MED15: variants seen among roughly 807,000 people sequenced by gnomAD.
MED15 encodes mediator complex subunit 15, also known as mediator of RNA polymerase II transcription subunit 15.
In MED15, 41 loss-of-function variants were observed where a neutral mutation model predicts 118.7. The observed-to-expected ratio is 0.35, with a 90% CI of 0.27 to 0.45. The LOEUF (loss-of-function observed/expected upper bound fraction) is 0.45, where lower values mean the gene tolerates loss of function less well. Ranked by LOEUF, MED15 falls within the 20% of genes least tolerant of loss-of-function variation. MED15 has a pLI of 1.00. For synonymous variants in MED15, 436 were observed against 413.9 expected, an observed-to-expected ratio of 1.05 and a Z score of -0.65; for missense variants, 740 against 1,025.5, an observed-to-expected ratio of 0.72 and a Z score of 3.80.
At chr22:20,544,015 A>G (rs769047983) in intron 2 of MED15, among the ~76,000 whole-genome samples, 1 of 152,196 alleles carries the variant, frequency 6.6e-6, no homozygotes, top group Admixed American at 6.5e-5. Flanking sequence ...TTCCAGTAAC[A>G]TGTTCCTTGT....
At chr22:20,521,429 C>T (rs2054453136) in intron 1 of MED15, among the ~76,000 whole-genome samples, 1 of 149,650 alleles carries the variant, frequency 6.7e-6, no homozygotes, top group African/African-American at 2.5e-5. Flanking sequence ...CTGAGTCTCA[C>T]TCTGTCGCCT....
intron 8 of MED15, among the ~76,000 whole-genome samples, chr22:20,569,996 C>T (rs1004944453): frequency 3.9e-5 from 6 of 152,152 alleles, no homozygotes; most frequent in Admixed American, 6.5e-5. Flanking sequence ...TTTGGACCAT[C>T]GATCCTCTGT....
At chr22:20,580,149 CA>C (rs1378903733) in intron 9 of MED15, among the ~76,000 whole-genome samples, 1 of 152,134 alleles carries the variant, frequency 6.6e-6, no homozygotes, top group Non-Finnish European at 1.5e-5. Context: ...CTCTGCTGGC[CA>C]CCAGCTGCCC....
At chr22:20,523,798 C>T (rs1024137596) in intron 1 of MED15, 1 of 985,306 alleles carries the variant, frequency 1.0e-6, no homozygotes, top group Admixed American at 6.2e-5. Context: ...CTCGTGTATT[C>T]TTCTGAACTA....
At chr22:20,514,719 C>G (rs2054191878) in intron 1 of MED15, among the ~76,000 whole-genome samples, 1 of 152,188 alleles carries the variant, frequency 6.6e-6, no homozygotes, top group African/African-American at 2.4e-5. Flanking sequence ...AAACATACAA[C>G]TGAACAGCAA....
chr22:20,507,994 G>C (rs1243773947), intron 1 of MED15: 13 of 1,427,468 alleles, frequency 9.1e-6, no homozygotes, highest in Non-Finnish European at 1.2e-5. Context: ...ATCGTCTTGA[G>C]CTTTCTCATT....
chr22:20,562,645 G>A (rs1317537474), intron 5 of MED15, among the ~76,000 whole-genome samples: 1 of 152,180 alleles, frequency 6.6e-6, no homozygotes, highest in African/African-American at 2.4e-5. Context: ...GCCTCCCGAA[G>A]TGCTGGGATT....
chr22:20,545,258 C>T (rs2146486675), intron 2 of MED15, among the ~76,000 whole-genome samples: 1 of 152,218 alleles, frequency 6.6e-6, no homozygotes, highest in East Asian at 1.9e-4. Flanking sequence ...GCCAGTGGAT[C>T]ACTTGAGGCC....
chr22:20,585,310 C>T lies in MED15; in HGVS notation c.2131+43C>T, dbSNP rs2057102247. The stretch of plus-strand genomic sequence containing the variant: ...CGGGACTGGTGTGGGAAAGCAGGCC[C>T]TGACCGCAGCCCCAGGACTCTGCCA... On this transcript the variant is annotated intron_variant, in intron 16 of 17. Coordinates refer to ENST00000263205, the MANE Select transcript of MED15 (RefSeq NM_001003891.3). The T allele has an allele frequency of 3.8e-6, 6 of 1,599,342 alleles. No individual in the cohort carries two copies. The East Asian group carries it at 1.3e-4, about 36-fold the overall frequency.
chr22:20,523,843 G>T (rs770827149), intron 1 of MED15: 3 of 985,202 alleles, frequency 3.0e-6, no homozygotes, highest in Admixed American at 6.2e-5. Flanking sequence ...AAGGGCAGCA[G>T]CCTTTTCTGC....
intron 1 of MED15, among the ~76,000 whole-genome samples, chr22:20,512,523 C>T (rs949907716): frequency 6.6e-6 from 1 of 151,200 alleles, no homozygotes; most frequent in African/African-American, 2.4e-5. Context: ...AGCTTGGTAC[C>T]TGGTATACAA....
At position 20,587,027 on chromosome 22, in the gene MED15, G is replaced by T; in HGVS notation, c.*323G>T. The stretch of plus-strand genomic sequence containing the variant: ...GTCCAGGTCCATCTCAGCAGCGTGA[G>T]GGTGCACTCAGGGTGTTGTTAGAGC... On this transcript the variant is annotated 3_prime_UTR_variant, in exon 18 of 18. Coordinates refer to ENST00000263205, the MANE Select transcript of MED15 (RefSeq NM_001003891.3). 1 of 417,532 alleles carries T rather than the reference G, an allele frequency of 2.4e-6. No homozygotes were observed. The highest frequency in any genetic ancestry group is 4.4e-6 in the Non-Finnish European group (1 of 225,954). The allele number at this position is 417,532 out of a possible 1,614,324, so 25.9% of individuals were successfully genotyped here. A position where few individuals can be genotyped will look rare whatever the true frequency, so the allele number is the denominator to read the frequency against.
At chr22:20,582,557 G>GAGGC (rs1206072811) in intron 9 of MED15, 54 bp from the exon 10 acceptor site, 8 of 1,535,048 alleles carry the variant, frequency 5.2e-6, no homozygotes, top group African/African-American at 1.4e-5. Context: ...AGGTGGTGTG[G>GAGGC]AGGCAGGCGG....
At chr22:20,560,054 C>T (rs956486057) in intron 5 of MED15, among the ~76,000 whole-genome samples, 4 of 152,046 alleles carry the variant, frequency 2.6e-5, no homozygotes, top group African/African-American at 9.7e-5. Context: ...GCTGCTGGTG[C>T]GTAATGGGTG....
At chr22:20,535,558 T>G (rs965145749) in intron 1 of MED15, among the ~76,000 whole-genome samples, 3 of 151,620 alleles carry the variant, frequency 2.0e-5, no homozygotes, top group East Asian at 1.9e-4. Flanking sequence ...TCTTTTGCTT[T>G]CTTTCTTTTT....
chr22:20,537,651 T>C (rs1018647750), intron 2 of MED15, among the ~76,000 whole-genome samples: 5 of 152,254 alleles, frequency 3.3e-5, no homozygotes, highest in African/African-American at 1.2e-4. Context: ...GTGATGCTTA[T>C]CTAGAACTCG....
intron 2 of MED15, among the ~76,000 whole-genome samples, chr22:20,547,641 A>G (rs1200261815): frequency 1.3e-5 from 2 of 151,930 alleles, no homozygotes; most frequent in East Asian, 3.9e-4. Context: ...AACACAGTGA[A>G]ACCCCGTCTC....
At chr22:20,553,392 G>A (rs957678794) in intron 4 of MED15, among the ~76,000 whole-genome samples, 6 of 152,114 alleles carry the variant, frequency 3.9e-5, no homozygotes, top group East Asian at 1.9e-4. Context: ...TCCCCATCCC[G>A]TTTCACACAA....
At chr22:20,509,986 T>C (rs1180701298) in intron 1 of MED15, among the ~76,000 whole-genome samples, 1 of 152,126 alleles carries the variant, frequency 6.6e-6, no homozygotes, top group African/African-American at 2.4e-5. Context: ...TAACTCAGCT[T>C]TATTTTGCTT....
Sources: gnomAD v4.1 joint callset for allele counts (sites outside exome capture counted in the v4.1 genomes callset) on GRCh38, gnomAD v4.1.1 for gene constraint, MANE v1.5 for transcripts, NCBI Gene and HGNC (gene_info 2026-07-23, HGNC 2026-07-21) for gene names.